Variants in SLC9A2 observed in about 807,000 individuals in gnomAD.
The protein encoded by SLC9A2 is solute carrier family 9 member A2.
Under a neutral mutation model 71.7 loss-of-function variants are expected in SLC9A2, and 42 were observed. That is an observed-to-expected ratio of 0.59 (90% CI 0.46 to 0.76). SLC9A2 has a LOEUF of 0.76. SLC9A2 is among the 30% of genes least tolerant of loss of function. The pLI, the probability that SLC9A2 is intolerant of heterozygous loss-of-function variation, is 0.00. For synonymous variants in SLC9A2, 396 were observed against 392.5 expected (o/e 1.01, Z -0.10); for missense variants, 829 against 1,017.4 (o/e 0.81, Z 2.52).
At chr2:102,693,851 G>T (rs1677706389) in intron 5 of SLC9A2, among the ~76,000 whole-genome samples, 1 of 152,214 alleles carries the variant, frequency 6.6e-6, no homozygotes, top group Middle Eastern at 3.2e-3. Context: ...TATGTGTGCA[G>T]TAGAAACTCA....
intron 1 of SLC9A2, among the ~76,000 whole-genome samples, chr2:102,646,104 C>T (rs1676719214): frequency 1.3e-5 from 2 of 152,156 alleles, no homozygotes; most frequent in South Asian, 2.1e-4. Flanking sequence ...CAGTAGATCT[C>T]CCTGCAAAAA....
At chr2:102,706,795 A>G (rs2104558541) in intron 11 of SLC9A2, among the ~76,000 whole-genome samples, 1 of 152,362 alleles carries the variant, frequency 6.6e-6, no homozygotes, top group Middle Eastern at 3.4e-3. Flanking sequence ...TTTTACAGTA[A>G]TTCTAATATA....
At chr2:102,658,770 G>C (rs573001569) in intron 2 of SLC9A2, among the ~76,000 whole-genome samples, 35 of 152,070 alleles carry the variant, frequency 2.3e-4, no homozygotes, top group Non-Finnish European at 3.7e-4. Flanking sequence ...GGCAAGGATT[G>C]AGAGAAGGGA....
chr2:102,647,693 A>C (rs540359150), intron 1 of SLC9A2, among the ~76,000 whole-genome samples: 2 of 152,220 alleles, frequency 1.3e-5, no homozygotes, highest in Non-Finnish European at 2.9e-5. Context: ...ACAAAATACC[A>C]TCAGAGAACA....
intron 1 of SLC9A2, among the ~76,000 whole-genome samples, chr2:102,642,504 G>A (rs781354883): frequency 6.6e-6 from 1 of 151,748 alleles, no homozygotes; most frequent in Non-Finnish European, 1.5e-5. Flanking sequence ...AACCAGCCTT[G>A]CATCCCTGGA....
At chr2:102,664,158 C>G (rs905652505) in intron 2 of SLC9A2, among the ~76,000 whole-genome samples, 1 of 151,822 alleles carries the variant, frequency 6.6e-6, no homozygotes, top group African/African-American at 2.4e-5. Context: ...TGCCTGTAAT[C>G]TCAGCTACTT....
intron 3 of SLC9A2, among the ~76,000 whole-genome samples, chr2:102,665,765 C>T (rs1454869145): frequency 1.4e-4 from 11 of 77,468 alleles, no homozygotes; most frequent in Non-Finnish European, 2.2e-4. Flanking sequence ...CACAGCAAGA[C>T]TCTGTCTTAA....
chr2:102,634,852 G>A (rs79165907), intron 1 of SLC9A2, among the ~76,000 whole-genome samples: 2,162 of 152,150 alleles, frequency 0.014, 57 homozygotes, highest in African/African-American at 0.049. Context: ...GAAAGACTAG[G>A]CCTGCAGGGT....
At chr2:102,647,699 G>T (rs2104512734) in intron 1 of SLC9A2, among the ~76,000 whole-genome samples, 1 of 152,212 alleles carries the variant, frequency 6.6e-6, no homozygotes. Flanking sequence ...TACCATCAGA[G>T]AACACTATAA....
At chr2:102,665,971 G>A (rs1677129486) in intron 3 of SLC9A2, among the ~76,000 whole-genome samples, 2 of 151,964 alleles carry the variant, frequency 1.3e-5, no homozygotes, top group South Asian at 4.2e-4. Flanking sequence ...AATTGTACGA[G>A]CTTGATGCCC....
At chr2:102,629,482 A>G (rs1676316564) in intron 1 of SLC9A2, among the ~76,000 whole-genome samples, 1 of 152,196 alleles carries the variant, frequency 6.6e-6, no homozygotes, top group Middle Eastern at 3.4e-3. Flanking sequence ...GCCTCATTAA[A>G]CCACATAGAT....
chr2:102,679,370 C>CTA (rs57012390), intron 3 of SLC9A2, among the ~76,000 whole-genome samples: 34 of 147,698 alleles, frequency 2.3e-4, no homozygotes, highest in African/African-American at 6.5e-4. Flanking sequence ...TACACCAAAG[C>CTA]TATATATATA....
intron 1 of SLC9A2, among the ~76,000 whole-genome samples, chr2:102,648,044 G>C (rs1676760083): frequency 1.3e-5 from 2 of 152,238 alleles, no homozygotes; most frequent in East Asian, 1.9e-4. Flanking sequence ...AACAAAAAAA[G>C]AAAATTTCAG....
intron 7 of SLC9A2, among the ~76,000 whole-genome samples, chr2:102,698,598 G>C (rs113823108): frequency 2.4e-4 from 36 of 152,316 alleles, no homozygotes; most frequent in South Asian, 8.3e-4. Context: ...GGGTTGGCTG[G>C]CTGCCAGCTG....
At chr2:102,653,120 C>T (rs932934008) in intron 1 of SLC9A2, among the ~76,000 whole-genome samples, 1 of 152,204 alleles carries the variant, frequency 6.6e-6, no homozygotes, top group Non-Finnish European at 1.5e-5. Flanking sequence ...GCATGTTACA[C>T]AACACAGTTT....
chr2:102,674,130 A>G (rs1677305991), intron 3 of SLC9A2, among the ~76,000 whole-genome samples: 1 of 152,142 alleles, frequency 6.6e-6, no homozygotes, highest in South Asian at 2.1e-4. Flanking sequence ...AAAAACTGAA[A>G]TGAAATGTAC....
In SLC9A2 at chr2:102,709,805, T is replaced by C. The variant is rs1174373249; in HGVS notation, c.*1316T>C. ...CTGTAGATTTTATTGGCCTGTTTTTTTTTTCTAAATAATTCTTTAAAACTT... is the reference window on the plus strand; with the variant it reads ...CTGTAGATTTTATTGGCCTGTTTTTCTTTTCTAAATAATTCTTTAAAACTT... On this transcript the variant is annotated 3_prime_UTR_variant, in exon 12 of 12. Transcript: ENST00000233969. The C allele has an allele frequency of 6.6e-6, 1 of 152,568 alleles. No individual in the cohort carries two copies. The highest frequency in any genetic ancestry group is 1.5e-5 in the Non-Finnish European group (1 of 68,020). 9.5% of individuals were successfully genotyped at this position (152,568 alleles called of 1,614,324 possible).
At chr2:102,693,630 G>A (rs559215666) in intron 5 of SLC9A2, among the ~76,000 whole-genome samples, 3 of 152,266 alleles carry the variant, frequency 2.0e-5, no homozygotes, top group South Asian at 4.1e-4. Flanking sequence ...GGTCTCCACT[G>A]GGATATGCTT....
At chr2:102,689,061 A>G (rs1677609973) in intron 5 of SLC9A2, among the ~76,000 whole-genome samples, 1 of 152,220 alleles carries the variant, frequency 6.6e-6, no homozygotes, top group Non-Finnish European at 1.5e-5. Context: ...TTCGCCTGTT[A>G]CTATTTCATG....
Sources: gnomAD v4.1 joint callset for allele counts (sites outside exome capture counted in the v4.1 genomes callset) on GRCh38, gnomAD v4.1.1 for gene constraint, MANE v1.5 for transcripts, NCBI Gene and HGNC (gene_info 2026-07-23, HGNC 2026-07-21) for gene names.